RBFOX3: variants seen among roughly 807,000 people sequenced by gnomAD.
RBFOX3 encodes RNA binding fox-1 homolog 3.
A neutral mutation model predicts 48.7 loss-of-function variants in RBFOX3; 17 were observed. The observed-to-expected ratio is 0.35, with a 90% CI of 0.24 to 0.52. The LOEUF (loss-of-function observed/expected upper bound fraction) is 0.52, where lower values mean the gene tolerates loss of function less well. Among genes scored for constraint, RBFOX3 ranks in the 20% least tolerant of loss-of-function variants. RBFOX3 has a pLI of 0.94. For missense variants in RBFOX3, 382 were observed against 497.5 expected, an observed-to-expected ratio of 0.77 and a Z score of 2.21; for synonymous variants, 212 against 209.5, an observed-to-expected ratio of 1.01 and a Z score of -0.10.
intron 2 of RBFOX3, among the ~76,000 whole-genome samples, chr17:79,399,984 C>T (rs895085259): frequency 6.6e-6 from 1 of 152,212 alleles, no homozygotes; most frequent in Non-Finnish European, 1.5e-5. Flanking sequence ...TGTCTCTACC[C>T]ACAGATTCTC....
chr17:79,229,651 T>C (rs1049721211), intron 4 of RBFOX3, among the ~76,000 whole-genome samples: 2 of 151,222 alleles, frequency 1.3e-5, no homozygotes, highest in Non-Finnish European at 2.9e-5. Context: ...GAGAGCTCCT[T>C]TGGGGTGGCA....
chr17:79,574,537 C>T (rs1316890489), intron 1 of RBFOX3, among the ~76,000 whole-genome samples: 3 of 152,264 alleles, frequency 2.0e-5, no homozygotes, highest in Admixed American at 1.3e-4. Flanking sequence ...TACCTTGTAC[C>T]GTCTAAAAAG....
chr17:79,096,993 G>A (rs71385998), intron 11 of RBFOX3, among the ~76,000 whole-genome samples, 160 bp from the exon 12 acceptor site: 1 of 152,178 alleles, frequency 6.6e-6, no homozygotes, highest in African/African-American at 2.4e-5. Flanking sequence ...AGAGGGCTCA[G>A]AGAAGCCCCT....
chr17:79,179,397 GTT>G (rs1470938924), intron 4 of RBFOX3, among the ~76,000 whole-genome samples: 1 of 152,192 alleles, frequency 6.6e-6, no homozygotes, highest in Non-Finnish European at 1.5e-5. Flanking sequence ...GCCTGGTGAT[GTT>G]TACCTCAGCA....
intron 2 of RBFOX3, among the ~76,000 whole-genome samples, chr17:79,413,788 C>T (rs1033113572): frequency 3.3e-5 from 5 of 152,230 alleles, no homozygotes; most frequent in Non-Finnish European, 5.9e-5. Flanking sequence ...CATCCTTCTG[C>T]GGCCTGGCCA....
intron 3 of RBFOX3, among the ~76,000 whole-genome samples, chr17:79,304,554 T>G (rs536681324): frequency 8.6e-5 from 13 of 151,870 alleles, no homozygotes; most frequent in African/African-American, 3.1e-4. Context: ...CGCACTGAGG[T>G]GTGAGCTGTG....
chr17:79,427,479 G>T (rs1213172912), intron 2 of RBFOX3, among the ~76,000 whole-genome samples: 4 of 152,244 alleles, frequency 2.6e-5, no homozygotes, highest in African/African-American at 9.6e-5. Context: ...CAAACCAGGG[G>T]AGCTGTGAGG....
At chr17:79,515,548 G>T (rs2085129359) in intron 1 of RBFOX3, among the ~76,000 whole-genome samples, 1 of 152,228 alleles carries the variant, frequency 6.6e-6, no homozygotes, top group African/African-American at 2.4e-5. Context: ...GCTGGCCGCT[G>T]GCAGCACAGT....
chr17:79,567,187 T>C (rs2092492686), intron 1 of RBFOX3, among the ~76,000 whole-genome samples: 1 of 142,280 alleles, frequency 7.0e-6, no homozygotes, highest in African/African-American at 2.6e-5. Flanking sequence ...TTTCTTTTTT[T>C]TTTTTTTTTT....
chr17:79,396,708 G>A (rs778066983), intron 2 of RBFOX3, among the ~76,000 whole-genome samples: 3 of 152,300 alleles, frequency 2.0e-5, no homozygotes, highest in East Asian at 3.9e-4. Flanking sequence ...CCTACTGCTC[G>A]GAGGGATGAA....
chr17:79,127,904 T>TTGCCCCTGTCACGC (rs2037738407), intron 4 of RBFOX3, among the ~76,000 whole-genome samples: 2 of 152,346 alleles, frequency 1.3e-5, no homozygotes, highest in East Asian at 1.9e-4. Context: ...AGAGGCTGAC[T>TTGCCCCTGTCACGC]TGCCCCTGTC....
At chr17:79,375,508 A>AGG (rs2059120332) in intron 2 of RBFOX3, among the ~76,000 whole-genome samples, 1 of 152,136 alleles carries the variant, frequency 6.6e-6, no homozygotes, top group Non-Finnish European at 1.5e-5. Context: ...AAGCAGGGTG[A>AGG]CGTGCTGGGC....
intron 1 of RBFOX3, among the ~76,000 whole-genome samples, chr17:79,500,869 T>C (rs1017411890): frequency 2.0e-5 from 3 of 152,334 alleles, no homozygotes; most frequent in African/African-American, 7.2e-5. Flanking sequence ...ACACCCGTGC[T>C]AGGGACACGT....
At chr17:79,244,514 GA>G (rs2062852712) in intron 3 of RBFOX3, among the ~76,000 whole-genome samples, 1 of 121,198 alleles carries the variant, frequency 8.3e-6, no homozygotes, top group African/African-American at 3.1e-5. Context: ...CAGTGCCAGC[GA>G]GGGCTGCGGG....
intron 4 of RBFOX3, among the ~76,000 whole-genome samples, chr17:79,206,308 G>C (rs1458177756): frequency 6.6e-6 from 1 of 152,058 alleles, no homozygotes; most frequent in Non-Finnish European, 1.5e-5. Context: ...ACTTCCAAAG[G>C]CTATCCGTTT....
intron 3 of RBFOX3, among the ~76,000 whole-genome samples, chr17:79,277,147 G>A (rs2069040959): frequency 6.6e-6 from 1 of 152,144 alleles, no homozygotes; most frequent in Non-Finnish European, 1.5e-5. Context: ...CCACTTCTCT[G>A]CCCCTTCCTG....
the RBFOX3 span, among the ~76,000 whole-genome samples, chr17:79,657,112 G>A: frequency 2.0e-5 from 3 of 152,036 alleles, no homozygotes; most frequent in Admixed American, 2.0e-4. Flanking sequence ...CCCTTCAATG[G>A]CTCCCCCACT....
chr17:79,553,085 A>G (rs2091304528), intron 1 of RBFOX3, among the ~76,000 whole-genome samples: 1 of 152,152 alleles, frequency 6.6e-6, no homozygotes, highest in African/African-American at 2.4e-5. Context: ...TTTTTTCTTA[A>G]CTTCAGTGTT....
intron 2 of RBFOX3, among the ~76,000 whole-genome samples, chr17:79,462,941 G>A (rs1555750012): frequency 6.6e-6 from 1 of 152,084 alleles, no homozygotes; most frequent in African/African-American, 2.4e-5. Context: ...GCCTCTTTGA[G>A]CATCGTTCGA....
Sources: allele counts gnomAD v4.1 joint callset (sites outside exome capture counted in the v4.1 genomes callset), GRCh38; gene constraint gnomAD v4.1.1; transcripts MANE v1.5; gene names NCBI Gene and HGNC (gene_info 2026-07-23, HGNC 2026-07-21).